ANKRD44: variants seen among roughly 807,000 people sequenced by gnomAD.
The protein encoded by ANKRD44 is ankyrin repeat domain 44.
In ANKRD44, 35 loss-of-function variants were observed where a neutral mutation model predicts 116.0. That is an observed-to-expected ratio of 0.30 (90% CI 0.23 to 0.40). The LOEUF (loss-of-function observed/expected upper bound fraction) is 0.40, where lower values mean the gene tolerates loss of function less well. ANKRD44 is among the 10% of genes least tolerant of loss of function. The pLI, the probability that ANKRD44 is intolerant of heterozygous loss-of-function variation, is 1.00. For missense variants in ANKRD44, 1,014 were observed against 1,242.6 expected, an observed-to-expected ratio of 0.82 and a Z score of 2.77; for synonymous variants, 435 against 461.8, an observed-to-expected ratio of 0.94 and a Z score of 0.74.
At chr2:197,221,154 G>C (rs191378549) in intron 1 of ANKRD44, among the ~76,000 whole-genome samples, 324 of 152,096 alleles carry the variant, frequency 2.1e-3, no homozygotes, top group Middle Eastern at 0.01. Flanking sequence ...GGGAAGCTGA[G>C]GCAGGAGAAT....
rs1281297383 is a variant in ANKRD44 at position 197,122,705 on chromosome 2, G to A, written c.638C>T (p.Ala213Val). ...AACATTAATCTGTCCATTGGAGGCT[G>A]CAGCATGCAGAGGGGTATAACCCTT... is the stretch of plus-strand genomic sequence containing the variant. ...DKKGYTPLHA[A>V]ASNGQINVVK... The change falls in exon 7 of 28, where the codon GCA (alanine) becomes GTA (valine). Residue 213 changes from alanine (A) to valine (V), a missense_variant. Coordinates refer to ENST00000282272, the MANE Select transcript of ANKRD44 (RefSeq NM_001195144.2). The A allele has an allele frequency of 3.1e-6, 5 of 1,614,104 alleles. No homozygotes were observed. The highest frequency in any genetic ancestry group is 1.1e-5 in the South Asian group (1 of 91,086).
chr2:197,107,163 T>C (rs1038055552), intron 9 of ANKRD44, among the ~76,000 whole-genome samples: 9 of 152,206 alleles, frequency 5.9e-5, no homozygotes, highest in Non-Finnish European at 1.2e-4. Context: ...TAGTTTTTCA[T>C]TGCACAAACA....
chr2:197,072,869 T>TTA (rs1269175678), intron 16 of ANKRD44, among the ~76,000 whole-genome samples: 9 of 152,164 alleles, frequency 5.9e-5, no homozygotes, highest in Non-Finnish European at 1.3e-4. Context: ...CTTTATGAGG[T>TTA]TACTTCTTTT....
intron 17 of ANKRD44, among the ~76,000 whole-genome samples, chr2:197,019,044 G>A (rs2076445412): frequency 6.6e-6 from 1 of 152,110 alleles, no homozygotes; most frequent in Non-Finnish European, 1.5e-5. Flanking sequence ...CCATTTAGTT[G>A]ACTTCCAGAC....
chr2:197,103,308 C>A (rs2078346236), intron 9 of ANKRD44, among the ~76,000 whole-genome samples: 1 of 151,606 alleles, frequency 6.6e-6, no homozygotes, highest in African/African-American at 2.4e-5. Flanking sequence ...GAGTCTTTCC[C>A]TATACCCTGG....
chr2:197,025,374 A>G, intron 16 of ANKRD44, 107 bp from the exon 17 acceptor site: 2 of 747,750 alleles, frequency 2.7e-6, no homozygotes, highest in Non-Finnish European at 4.5e-6. Context: ...GCAATTTATC[A>G]GTAATATAAA....
At chr2:197,234,673 T>C (rs1392717373) in intron 1 of ANKRD44, among the ~76,000 whole-genome samples, 1 of 152,240 alleles carries the variant, frequency 6.6e-6, no homozygotes, top group African/African-American at 2.4e-5. Context: ...CTTATCCCTA[T>C]TGATAACAAT....
At position 197,121,396 on chromosome 2, in the gene ANKRD44, G is replaced by C; in HGVS notation, c.842C>G (p.Ala281Gly). ...AAGACACAAAGCACCATGAGTGGAG[G>C]CAGCAGCAAAATGCAAAGGGGTGAA... ...NGFTPLHFAAASTHGALCLEL... is the reference protein window; with the variant it reads ...NGFTPLHFAAGSTHGALCLEL... Residue 281 changes from alanine (A) to glycine (G), a missense_variant, in exon 8 of 28, where the codon GCC (alanine) becomes GGC (glycine). Ala to Gly is a moderately conservative substitution (Grantham distance 60, BLOSUM62 0). Transcript: ENST00000282272. The C allele has an allele frequency of 1.2e-6, 2 of 1,614,202 alleles. No individual in the cohort carries two copies. The highest frequency in any genetic ancestry group is 1.7e-6 in the Non-Finnish European group (2 of 1,180,038).
chr2:197,148,423 G>T (rs952410855), intron 2 of ANKRD44, among the ~76,000 whole-genome samples: 1 of 152,100 alleles, frequency 6.6e-6, no homozygotes, highest in African/African-American at 2.4e-5. Context: ...ATGTCTTTAA[G>T]GTTTCTCCTA....
chr2:197,252,575 T>C (rs1473123432), intron 1 of ANKRD44, among the ~76,000 whole-genome samples: 1 of 151,956 alleles, frequency 6.6e-6, no homozygotes, highest in Non-Finnish European at 1.5e-5. Flanking sequence ...CCCGGCTAAT[T>C]TTTTGCGTTT....
At chr2:197,124,490 T>C (rs1402610787) in intron 6 of ANKRD44, among the ~76,000 whole-genome samples, 1 of 152,256 alleles carries the variant, frequency 6.6e-6, no homozygotes, top group African/African-American at 2.4e-5. Flanking sequence ...ATGAGAATTA[T>C]ATTATTTATA....
intron 21 of ANKRD44, among the ~76,000 whole-genome samples, chr2:196,977,438 G>C (rs2075768404): frequency 6.6e-6 from 1 of 152,188 alleles, no homozygotes; most frequent in Admixed American, 6.5e-5. Flanking sequence ...GAAAATATTT[G>C]CAAATCCTGT....
chr2:197,098,638 G>A (rs774932110), intron 10 of ANKRD44, among the ~76,000 whole-genome samples: 37 of 151,978 alleles, frequency 2.4e-4, no homozygotes, highest in African/African-American at 7.5e-4. Flanking sequence ...AGCTCACTAC[G>A]TGCCAGGCAC....
intron 1 of ANKRD44, among the ~76,000 whole-genome samples, chr2:197,274,707 A>G (rs1309886767): frequency 1.3e-5 from 2 of 152,036 alleles, no homozygotes; most frequent in Non-Finnish European, 2.9e-5. Context: ...CTTCTAGAGA[A>G]CCCAACCTGC....
intron 1 of ANKRD44, among the ~76,000 whole-genome samples, chr2:197,264,844 A>T (rs1287340685): frequency 6.6e-6 from 1 of 152,246 alleles, no homozygotes; most frequent in Non-Finnish European, 1.5e-5. Flanking sequence ...TATCCCTGAC[A>T]AAATGGACAA....
intron 1 of ANKRD44, among the ~76,000 whole-genome samples, chr2:197,286,568 G>A (rs1198104257): frequency 1.3e-5 from 2 of 151,714 alleles, no homozygotes; most frequent in African/African-American, 2.4e-5. Flanking sequence ...GTAGAGATGG[G>A]GGTCTCGCTA....
At chr2:197,124,851 A>G (rs1438213482) in intron 6 of ANKRD44, among the ~76,000 whole-genome samples, 1 of 152,224 alleles carries the variant, frequency 6.6e-6, no homozygotes, top group Non-Finnish European at 1.5e-5. Context: ...AACTCTCCCA[A>G]GCGGGTAGAA....
intron 1 of ANKRD44, among the ~76,000 whole-genome samples, chr2:197,305,194 CAAA>C (rs1389196675): frequency 6.7e-6 from 1 of 149,846 alleles, no homozygotes; most frequent in African/African-American, 2.5e-5. Context: ...GGAAAAAAAA[CAAA>C]AACAACAACA....
rs529725746 is a variant in ANKRD44, at chr2:197,095,334, T to C, written c.1100+4482A>G. On this transcript the variant is annotated intron_variant, in intron 10 of 27. Transcript: ENST00000282272. ...GAGAAAAGAATAAAGATGGGCTCAATGGACAAGTGATAAGGCTGAACCTAG... is the reference window on the plus strand; with the variant it reads ...GAGAAAAGAATAAAGATGGGCTCAACGGACAAGTGATAAGGCTGAACCTAG... Among the ~76,000 whole-genome samples, 7 of 152,304 alleles carry C rather than the reference T, an allele frequency of 4.6e-5. No homozygotes were observed. In the South Asian group the frequency reaches 1.2e-3, roughly 27 times the overall value.
Sources: allele counts gnomAD v4.1 joint callset (sites outside exome capture counted in the v4.1 genomes callset), GRCh38; gene constraint gnomAD v4.1.1; transcripts MANE v1.5; gene names NCBI Gene and HGNC (gene_info 2026-07-23, HGNC 2026-07-21).